The following CTNNA3 variants were observed in gnomAD, a reference collection of about 807,000 sequenced individuals.
CTNNA3 encodes the protein catenin alpha 3.
CTNNA3 carries 76 observed loss-of-function variants against 95.7 expected under a neutral mutation model. That is an observed-to-expected ratio of 0.79 (90% confidence interval 0.66 to 0.96). The LOEUF is 0.96. Among genes scored for constraint, CTNNA3 ranks in the 40% least tolerant of loss-of-function variants. The probability of loss-of-function intolerance (pLI) is 0.00; values close to 1 mark genes in which losing one functional copy is unlikely to be tolerated. For synonymous variants in CTNNA3, 431 were observed against 374.4 expected (o/e 1.15, Z -1.74); for missense variants, 1,191 against 1,089.8 (o/e 1.09, Z -1.31).
intron 11 of CTNNA3, among the ~76,000 whole-genome samples, chr10:66,471,541 T>C (rs1839132246): frequency 6.6e-6 from 1 of 152,038 alleles, no homozygotes; most frequent in African/African-American, 2.4e-5. Flanking sequence ...TGTTTTATTT[T>C]ACATCAACAA....
intron 11 of CTNNA3, among the ~76,000 whole-genome samples, chr10:66,428,240 C>G (rs999860465): frequency 6.6e-6 from 1 of 152,098 alleles, no homozygotes; most frequent in Non-Finnish European, 1.5e-5. Flanking sequence ...AAGGAGCACC[C>G]AGATTCATAA....
chr10:66,137,593 A>G (rs1047009798), intron 13 of CTNNA3, among the ~76,000 whole-genome samples: 2 of 152,192 alleles, frequency 1.3e-5, no homozygotes, highest in African/African-American at 4.8e-5. Context: ...TGTTAAGTAT[A>G]ATAATATTGA....
rs538391241 is a variant in CTNNA3, at chr10:67,668,613, A to G, written c.-5-21095T>C. Among the ~76,000 whole-genome samples the G allele has an allele frequency of 2.6e-5, 4 of 152,292 alleles. No homozygotes were observed. The South Asian group carries it at 6.2e-4, about 24-fold the overall frequency. The stretch of plus-strand genomic sequence containing the variant: ...TAGGAGTGACTAATGGGCAGGCAGC[A>G]TATACAGCAGGACATGCTGGACAAA... On this transcript the variant is annotated intron_variant, in intron 1 of 17. Coordinates refer to ENST00000433211, the MANE Select transcript of CTNNA3 (RefSeq NM_013266.4).
intron 5 of CTNNA3, among the ~76,000 whole-genome samples, chr10:67,413,167 G>T (rs561520861): frequency 6.6e-6 from 1 of 152,022 alleles, no homozygotes; most frequent in Non-Finnish European, 1.5e-5. Context: ...CATGCAAACA[G>T]AAAACAAAAA....
At chr10:67,761,817 G>A (rs1043132223) in intron 1 of CTNNA3, among the ~76,000 whole-genome samples, 2 of 151,390 alleles carry the variant, frequency 1.3e-5, no homozygotes, top group Non-Finnish European at 2.9e-5. Context: ...GGCGGAGCTT[G>A]CAGTGAGCCG....
At chr10:66,782,725 T>G (rs538587596) in intron 7 of CTNNA3, among the ~76,000 whole-genome samples, 1 of 152,178 alleles carries the variant, frequency 6.6e-6, no homozygotes, top group African/African-American at 2.4e-5. Flanking sequence ...TAATAAGTAA[T>G]ATTCAAGCTA....
intron 5 of CTNNA3, among the ~76,000 whole-genome samples, chr10:67,415,191 T>C (rs1353104158): frequency 6.6e-6 from 1 of 152,080 alleles, no homozygotes; most frequent in Non-Finnish European, 1.5e-5. Context: ...AAAAGGAATT[T>C]GAAAAAGAAA....
intron 9 of CTNNA3, among the ~76,000 whole-genome samples, chr10:66,627,251 A>G (rs1276106128): frequency 2.6e-5 from 4 of 152,120 alleles, no homozygotes; most frequent in Non-Finnish European, 5.9e-5. Context: ...TCCCTTTGGT[A>G]ATAACACTGA....
chr10:66,184,493 T>C (rs973656659), intron 13 of CTNNA3, among the ~76,000 whole-genome samples: 2 of 152,168 alleles, frequency 1.3e-5, no homozygotes, highest in Admixed American at 1.3e-4. Context: ...AAGAAAGAGA[T>C]AAATCCCTTT....
At chr10:67,346,668 G>T (rs1842427242) in intron 5 of CTNNA3, 1 of 507,596 alleles carries the variant, frequency 2.0e-6, no homozygotes, top group African/African-American at 1.9e-5. Flanking sequence ...GTTTCTGCAG[G>T]CCTTCCTAAT....
At chr10:67,478,639 C>T (rs1848105735) in intron 5 of CTNNA3, among the ~76,000 whole-genome samples, 1 of 152,028 alleles carries the variant, frequency 6.6e-6, no homozygotes, top group African/African-American at 2.4e-5. Flanking sequence ...GAGTCTTAAA[C>T]ATGGAAATGA....
intron 7 of CTNNA3, among the ~76,000 whole-genome samples, chr10:67,179,035 C>A (rs1589827816): frequency 6.6e-6 from 1 of 152,054 alleles, no homozygotes; most frequent in East Asian, 1.9e-4. Flanking sequence ...TATGAAGATA[C>A]ATCAAATGTG....
chr10:67,500,819 C>T (rs943245283), intron 5 of CTNNA3, among the ~76,000 whole-genome samples: 5 of 152,134 alleles, frequency 3.3e-5, no homozygotes, highest in African/African-American at 7.2e-5. Context: ...TGCCTCTGCA[C>T]GTGCGATGGG....
intron 17 of CTNNA3, among the ~76,000 whole-genome samples, chr10:65,945,781 G>A (rs2077507547): frequency 6.6e-6 from 1 of 152,086 alleles, no homozygotes; most frequent in South Asian, 2.1e-4. Context: ...TTGGTTTGAA[G>A]ATTTAAATAA....
At chr10:66,650,030 A>C (rs1355149744) in intron 9 of CTNNA3, among the ~76,000 whole-genome samples, 2 of 152,238 alleles carry the variant, frequency 1.3e-5, no homozygotes, top group Non-Finnish European at 2.9e-5. Context: ...TCCCACTTTC[A>C]GCAATGAAAA....
intron 6 of CTNNA3, among the ~76,000 whole-genome samples, chr10:67,208,239 GC>G (rs2132232144): frequency 6.6e-6 from 1 of 152,006 alleles, no homozygotes; most frequent in African/African-American, 2.4e-5. Context: ...AATTAGCTGG[GC>G]CTGGTGGCAG....
At chr10:67,159,907 G>T (rs1861461216) in intron 7 of CTNNA3, among the ~76,000 whole-genome samples, 2 of 152,024 alleles carry the variant, frequency 1.3e-5, no homozygotes, top group Non-Finnish European at 2.9e-5. Context: ...CACATCAAAG[G>T]CAACAATTGA....
At chr10:66,653,083 T>C (rs1845965039) in intron 9 of CTNNA3, among the ~76,000 whole-genome samples, 1 of 152,140 alleles carries the variant, frequency 6.6e-6, no homozygotes, top group Admixed American at 6.5e-5. Context: ...TTCTTTTCGG[T>C]TCTGTCTAAC....
chr10:66,753,419 T>G (rs1392035851), intron 9 of CTNNA3, among the ~76,000 whole-genome samples: 1 of 151,966 alleles, frequency 6.6e-6, no homozygotes, highest in Non-Finnish European at 1.5e-5. Flanking sequence ...TCCCAGCACT[T>G]TGGGAGGCTG....
Sources: allele counts gnomAD v4.1 joint callset (sites outside exome capture counted in the v4.1 genomes callset), GRCh38; gene constraint gnomAD v4.1.1; transcripts MANE v1.5; gene names NCBI Gene and HGNC (gene_info 2026-07-23, HGNC 2026-07-21).